The following YARS1 variants were observed in gnomAD, a reference collection of about 807,000 sequenced individuals.
YARS1 encodes the protein tyrosyl-tRNA synthetase 1.
In YARS1, 36 loss-of-function variants were observed where a neutral mutation model predicts 62.2. The observed-to-expected ratio is 0.58, with a 90% CI of 0.44 to 0.76. YARS1 has a LOEUF of 0.76. YARS1 is among the 30% of genes least tolerant of loss of function. YARS1 has a pLI of 0.00. For missense variants in YARS1, 524 were observed against 639.8 expected, an observed-to-expected ratio of 0.82 and a Z score of 1.95; for synonymous variants, 234 against 244.9, an observed-to-expected ratio of 0.96 and a Z score of 0.42.
intron 12 of YARS1, among the ~76,000 whole-genome samples, chr1:32,777,814 A>G (rs1652916987): frequency 6.6e-6 from 1 of 152,176 alleles, no homozygotes; most frequent in African/African-American, 2.4e-5. Context: ...ATTAATCAAC[A>G]GCATTTAGTA....
Position 32,775,989 on chromosome 1 carries a change from T to C in YARS1, c.1579A>G (p.Ile527Val), listed in dbSNP as rs745367045. ...ISCKSLKGGNIS is the reference protein window; with the variant it reads ...ISCKSLKGGNVS ...GGAAGATGCTGGGCTGGCTAGCTAA[T>C]GTTCCCCCCTTTCAGCGATTTACAG... Residue 527 changes from isoleucine (I) to valine (V), a missense_variant, in exon 13 of 13, where the codon ATT becomes GTT. Coordinates refer to ENST00000373477, the MANE Select transcript of YARS1 (RefSeq NM_003680.4). The C allele has an allele frequency of 2.5e-5, 41 of 1,613,872 alleles. No individual in the cohort carries two copies. In the South Asian group the frequency reaches 4.0e-4, roughly 16 times the overall value.
chr1:32,781,956 G>A (rs1653072913), intron 9 of YARS1: 1 of 193,374 alleles, frequency 5.2e-6, no homozygotes, highest in African/African-American at 2.4e-5. Flanking sequence ...TGGGACTACA[G>A]GCATGTGCTA....
chr1:32,797,053 A>G (rs1262765138), intron 5 of YARS1, among the ~76,000 whole-genome samples: 1 of 94,894 alleles, frequency 1.1e-5, no homozygotes, highest in Non-Finnish European at 1.9e-5. Flanking sequence ...TATATATAGT[A>G]AGCATTTCTG....
rs1569732946 is a variant in YARS1, at chr1:32,791,314, T to C, written c.592-60A>G. 8 of 1,354,090 alleles carry C rather than the reference T, an allele frequency of 5.9e-6. No homozygotes were observed. The East Asian group carries it at 1.6e-4, about 27-fold the overall frequency. The allele number at this position is 1,354,090 out of a possible 1,614,324, so 83.9% of individuals were successfully genotyped here. On this transcript the variant is annotated intron_variant, in intron 5 of 12. Transcript: ENST00000373477. ...TAGTCTAAGTTCCTCCTCAGTGCCC[T>C]GATCTCATCTGACTTGGCCAGCAAC...
At chr1:32,809,931 C>T (rs888119657) in intron 3 of YARS1, among the ~76,000 whole-genome samples, 2 of 152,034 alleles carry the variant, frequency 1.3e-5, no homozygotes, top group African/African-American at 4.8e-5. Flanking sequence ...CATGGTGAAA[C>T]TCTGTCTCTA....
chr1:32,815,897 CAGG>C (rs1638708033), intron 1 of YARS1, among the ~76,000 whole-genome samples: 2 of 152,054 alleles, frequency 1.3e-5, no homozygotes, highest in African/African-American at 4.8e-5. Flanking sequence ...ATCACGAGGT[CAGG>C]AGATCGAGAC....
chr1:32,802,158 C>G (rs996012684), intron 4 of YARS1, among the ~76,000 whole-genome samples: 3 of 151,740 alleles, frequency 2.0e-5, no homozygotes, highest in African/African-American at 4.8e-5. Flanking sequence ...CGTTTTAGCC[C>G]GGATGGTCTC....
Position 32,786,463 on chromosome 1 carries a change from T to A in YARS1, c.821-16A>T, listed in dbSNP as rs1653232698. 6.2e-7 allele frequency: 1 copy of A among 1,610,168 alleles called. No homozygotes were observed. The highest frequency in any genetic ancestry group is 1.3e-5 in the African/African-American group (1 of 74,978). On this transcript the variant is annotated splice_polypyrimidine_tract_variant and intron_variant, in intron 7 of 12. Transcript: ENST00000373477. ...ATCACAAACTCTATAAGGAAAAGGA[T>A]CCATGTCAACAAACTCATTGACAGC...
At chr1:32,806,004 C>T (rs540721340) in intron 4 of YARS1, among the ~76,000 whole-genome samples, 3 of 152,180 alleles carry the variant, frequency 2.0e-5, no homozygotes, top group Non-Finnish European at 4.4e-5. Flanking sequence ...GTGACTCTCC[C>T]TTTCAACACT....
chr1:32,802,190 G>A (rs1424810627), intron 4 of YARS1, among the ~76,000 whole-genome samples: 1 of 151,814 alleles, frequency 6.6e-6, no homozygotes, highest in African/African-American at 2.4e-5. Context: ...CTCGTGATCC[G>A]TCCGCCTCGG....
intron 3 of YARS1, among the ~76,000 whole-genome samples, chr1:32,809,738 T>C (rs12406682): frequency 0.1 from 15,783 of 152,170 alleles, 908 homozygotes; most frequent in Admixed American, 0.17. Flanking sequence ...CTTTAAAAAG[T>C]TGTTCTAAGG....
At chr1:32,809,045 T>C (rs892753981) in intron 3 of YARS1, among the ~76,000 whole-genome samples, 6 of 152,194 alleles carry the variant, frequency 3.9e-5, no homozygotes, top group Non-Finnish European at 8.8e-5. Flanking sequence ...AGGCTGTAGA[T>C]TCAAAGATGT....
chr1:32,801,055 T>C (rs1638278527), intron 4 of YARS1, among the ~76,000 whole-genome samples: 1 of 152,184 alleles, frequency 6.6e-6, no homozygotes, highest in Admixed American at 6.5e-5. Context: ...AAAAGGATTA[T>C]GATTAATATA....
intron 5 of YARS1, among the ~76,000 whole-genome samples, chr1:32,797,023 TATATATATATATATATATATATATATA>T (rs1653621959): frequency 2.1e-5 from 1 of 47,346 alleles, no homozygotes; most frequent in Non-Finnish European, 3.8e-5. Context: ...TATATATATA[TATATATATATATATATATATATATATA>T]GTAAGCATTT....
chr1:32,787,182 T>C, intron 6 of YARS1, 107 bp from the exon 7 acceptor site: 1 of 1,355,404 alleles, frequency 7.4e-7, no homozygotes. Context: ...CAGGCTGGAG[T>C]GCAGTGGCAC....
At chr1:32,811,483 C>T (rs746216762) in intron 1 of YARS1, 2 of 297,084 alleles carry the variant, frequency 6.7e-6, no homozygotes, top group East Asian at 8.5e-5. Context: ...CCAAAGCCTC[C>T]GCGTCTATCA....
chr1:32,793,928 A>T (rs1653491211), intron 5 of YARS1, among the ~76,000 whole-genome samples: 1 of 152,248 alleles, frequency 6.6e-6, no homozygotes, highest in Non-Finnish European at 1.5e-5. Flanking sequence ...TGCACTACAA[A>T]CACATACTAA....
intron 1 of YARS1, among the ~76,000 whole-genome samples, chr1:32,812,963 T>C: frequency 7.5e-6 from 1 of 133,334 alleles, no homozygotes; most frequent in East Asian, 2.1e-4. Context: ...AACGACACTC[T>C]GTCTCCAAAA....
intron 8 of YARS1, among the ~76,000 whole-genome samples, chr1:32,784,105 A>G (rs890101598): frequency 2.6e-5 from 4 of 151,928 alleles, no homozygotes; most frequent in Non-Finnish European, 5.9e-5. Context: ...CCTGGGCTCA[A>G]GCGATCCTCC....
Sources: gnomAD v4.1 joint callset for allele counts (sites outside exome capture counted in the v4.1 genomes callset) on GRCh38, gnomAD v4.1.1 for gene constraint, MANE v1.5 for transcripts, NCBI Gene and HGNC (gene_info 2026-07-23, HGNC 2026-07-21) for gene names.